Variants in TET3 observed in about 807,000 individuals in gnomAD.
TET3 encodes methylcytosine dioxygenase TET3.
In TET3, 19 loss-of-function variants were observed where a neutral mutation model predicts 141.4. That is an observed-to-expected ratio of 0.13 (90% CI 0.09 to 0.20). TET3 has a LOEUF of 0.20. TET3 is among the 10% of genes least tolerant of loss of function. TET3 has a pLI of 1.00. For missense variants in TET3, 1,874 were observed against 2,356.9 expected, an observed-to-expected ratio of 0.80 and a Z score of 4.24; for synonymous variants, 1,043 against 980.9, an observed-to-expected ratio of 1.06 and a Z score of -1.18.
chr2:73,988,430 T>C (rs1684153456), intron 2 of TET3, among the ~76,000 whole-genome samples: 1 of 152,218 alleles, frequency 6.6e-6, no homozygotes, highest in Non-Finnish European at 1.5e-5. Flanking sequence ...CAGTGGCCCT[T>C]GTGAACTAAG....
At chr2:74,021,613 A>G (rs1686048763) in intron 3 of TET3, among the ~76,000 whole-genome samples, 1 of 152,108 alleles carries the variant, frequency 6.6e-6, no homozygotes, top group African/African-American at 2.4e-5. Context: ...GATTATGGGA[A>G]GGGGTTCTCA....
intron 3 of TET3, among the ~76,000 whole-genome samples, chr2:74,033,577 G>A (rs1191826626): frequency 1.3e-5 from 2 of 152,178 alleles, no homozygotes; most frequent in Non-Finnish European, 2.9e-5. Flanking sequence ...TGCAGGTCCA[G>A]CTCTAAACCA....
At chr2:74,117,057 G>A in the TET3 span, among the ~76,000 whole-genome samples, 1 of 152,142 alleles carries the variant, frequency 6.6e-6, no homozygotes, top group African/African-American at 2.4e-5. Flanking sequence ...AGAACCCAGT[G>A]GGAACTCTGA....
At chr2:74,082,466 G>T (rs1022536147) in intron 6 of TET3, among the ~76,000 whole-genome samples, 3 of 152,188 alleles carry the variant, frequency 2.0e-5, no homozygotes, top group Non-Finnish European at 2.9e-5. Flanking sequence ...CAACTCGTGG[G>T]TGTCACTGAG....
intron 10 of TET3, among the ~76,000 whole-genome samples, chr2:74,094,882 T>C (rs897956759): frequency 2.0e-5 from 3 of 152,122 alleles, no homozygotes; most frequent in Non-Finnish European, 2.9e-5. Context: ...TCAAGATGCC[T>C]GCTAGACGTG....
At chr2:74,069,969 G>T (rs1029275999) in intron 4 of TET3, among the ~76,000 whole-genome samples, 2 of 152,074 alleles carry the variant, frequency 1.3e-5, no homozygotes, top group African/African-American at 4.8e-5. Flanking sequence ...TTGTGACAAT[G>T]ATTTCCTTGC....
chr2:74,060,243 G>T (rs1344038680), intron 4 of TET3, among the ~76,000 whole-genome samples: 1 of 152,152 alleles, frequency 6.6e-6, no homozygotes, highest in Admixed American at 6.5e-5. Context: ...GCCTAATGAG[G>T]GTGAGCAGTT....
chr2:74,024,689 C>G (rs1162618406), intron 3 of TET3, among the ~76,000 whole-genome samples: 1 of 152,004 alleles, frequency 6.6e-6, no homozygotes, highest in Non-Finnish European at 1.5e-5. Context: ...TCCTGTTCCT[C>G]GTTGTAAGAT....
chr2:74,050,458 C>T (rs1687884768), intron 4 of TET3, among the ~76,000 whole-genome samples: 1 of 152,144 alleles, frequency 6.6e-6, no homozygotes. Flanking sequence ...GTTGGCTGTT[C>T]CTTTAGTTAC....
At chr2:74,133,964 C>A in the TET3 span, among the ~76,000 whole-genome samples, 1 of 151,992 alleles carries the variant, frequency 6.6e-6, no homozygotes, top group African/African-American at 2.4e-5. Flanking sequence ...AGGCTGGTCT[C>A]AAACTCCTGA....
rs572898369 is a variant in TET3, at chr2:74,061,043, C to T, written c.2495-12506C>T. Among the ~76,000 whole-genome samples the T allele has an allele frequency of 9.5e-3, 1,439 of 151,992 alleles. 25 individuals carry two copies. Among genetic ancestry groups the T allele is most frequent in the African/African-American group, 0.032 (1,345 of 41,468 alleles). ...TGAGCTGTTGGGCACACCTCCCAGA[C>T]GGGGTGGTGGCCGGGCAGAGGGGCT... On this transcript the variant is annotated intron_variant, in intron 4 of 11. Transcript: ENST00000409262.
chr2:74,008,998 C>T (rs530602917), intron 3 of TET3, among the ~76,000 whole-genome samples: 25 of 152,332 alleles, frequency 1.6e-4, no homozygotes, highest in Non-Finnish European at 3.7e-4. Context: ...AAAGGGTTTG[C>T]AACTTGTCCC....
the TET3 span, among the ~76,000 whole-genome samples, chr2:74,120,330 G>A: frequency 1.3e-5 from 2 of 152,130 alleles, no homozygotes; most frequent in Non-Finnish European, 2.9e-5. Flanking sequence ...AAGACTTTCC[G>A]CCGGGGTCCC....
downstream of TET3, among the ~76,000 whole-genome samples, chr2:74,111,544 T>A (rs77935079): frequency 0.02 from 3,038 of 152,322 alleles, 91 homozygotes; most frequent in African/African-American, 0.067. Context: ...TGCACAACTC[T>A]GGGGAACACC....
chr2:74,047,805 G>A lies in TET3; in HGVS notation c.1888G>A (p.Glu630Lys), dbSNP rs758782453. Residue 630 changes from glutamate (E) to lysine (K), a missense_variant, in exon 4 of 12, where the codon GAA becomes AAA. Coordinates refer to ENST00000409262, the MANE Select transcript of TET3 (RefSeq NM_001287491.2). ...LFPPVRQIVL[E>K]GLRSPASQEV... ...CCCACCTGTCCGACAGATTGTCCTGGAAGGGCTTAGGTCCCCAGCCTCCCA... is the reference window on the plus strand; with the variant it reads ...CCCACCTGTCCGACAGATTGTCCTGAAAGGGCTTAGGTCCCCAGCCTCCCA... The A allele has an allele frequency of 7.4e-6, 12 of 1,613,506 alleles. No individual in the cohort carries two copies. The highest frequency in any genetic ancestry group is 1.1e-5 in the South Asian group (1 of 90,976).
intron 10 of TET3, among the ~76,000 whole-genome samples, chr2:74,095,621 A>C (rs903755897): frequency 6.6e-6 from 1 of 152,264 alleles, no homozygotes; most frequent in Non-Finnish European, 1.5e-5. Flanking sequence ...AATTTTACCC[A>C]GATGGGGTCA....
chr2:74,080,472 A>T, intron 5 of TET3, 26 bp from the exon 6 acceptor site: 1 of 1,600,950 alleles, frequency 6.2e-7, no homozygotes, highest in Non-Finnish European at 8.5e-7. Flanking sequence ...TGCTGTGCTA[A>T]TGGTGGCTTC....
In TET3 at chr2:74,105,210, G is replaced by C. The variant is rs1558803264; in HGVS notation, c.*3034G>C. On this transcript the variant is annotated 3_prime_UTR_variant, in exon 12 of 12. Coordinates refer to ENST00000409262, the MANE Select transcript of TET3 (RefSeq NM_001287491.2). ...CTAACAGCATGACCAAGTTCGAAGA[G>C]TCATATTATAGCAACGGAAATCGAT... is the stretch of plus-strand genomic sequence containing the variant. 7.5e-6 allele frequency: 3 copies of C among 398,448 alleles called. No homozygotes were observed. The highest frequency in any genetic ancestry group is 8.8e-6 in the Non-Finnish European group (2 of 226,074). The allele number at this position is 398,448 out of a possible 1,614,324, so 24.7% of individuals were successfully genotyped here.
At chr2:74,001,643 A>G (rs1684853164) in intron 2 of TET3, among the ~76,000 whole-genome samples, 1 of 152,096 alleles carries the variant, frequency 6.6e-6, no homozygotes, top group Non-Finnish European at 1.5e-5. Context: ...TGGGGTAGGG[A>G]ACGATGTGCC....
Sources: gnomAD v4.1 joint callset for allele counts (sites outside exome capture counted in the v4.1 genomes callset) on GRCh38, gnomAD v4.1.1 for gene constraint, MANE v1.5 for transcripts, NCBI Gene and HGNC (gene_info 2026-07-23, HGNC 2026-07-21) for gene names.